The following MCUB variants were observed in gnomAD, a reference collection of about 807,000 sequenced individuals.
MCUB encodes mitochondrial calcium uniporter dominant negative subunit beta.
MCUB carries 46 observed loss-of-function variants against 41.4 expected under a neutral mutation model. That is an observed-to-expected ratio of 1.11 (90% confidence interval 0.88 to 1.42). MCUB has a LOEUF of 1.42. MCUB is among the 40% of genes most tolerant of loss of function. The pLI, the probability that MCUB is intolerant of heterozygous loss-of-function variation, is 0.00. For synonymous variants in MCUB, 148 were observed against 148.2 expected (o/e 1.00, Z 0.01); for missense variants, 403 against 404.9 (o/e 1.00, Z 0.04).
At chr4:109,561,602 A>C (rs1342018552) in intron 1 of MCUB, among the ~76,000 whole-genome samples, 1 of 152,220 alleles carries the variant, frequency 6.6e-6, no homozygotes, top group African/African-American at 2.4e-5. Flanking sequence ...AGACTTATAA[A>C]GTCATTGGGG....
Position 109,563,275 on chromosome 4 carries a change from A to T in MCUB, c.99+2839A>T, listed in dbSNP as rs148255169. ...GTCCATACATAAGCTATGTTTAAAAAATTTTTACATCAAGCACTCTGCAGA... is the reference window on the plus strand; with the variant it reads ...GTCCATACATAAGCTATGTTTAAAATATTTTTACATCAAGCACTCTGCAGA... On this transcript the variant is annotated intron_variant, in intron 1 of 7. Coordinates refer to ENST00000394650, the MANE Select transcript of MCUB (RefSeq NM_017918.5). Among the ~76,000 whole-genome samples the T allele has an allele frequency of 2.4e-3, 372 of 152,260 alleles. 1 individual carries two copies. The highest frequency in any genetic ancestry group is 8.4e-3 in the African/African-American group (348 of 41,560).
At chr4:109,675,572 G>A (rs977216396) in intron 4 of MCUB, among the ~76,000 whole-genome samples, 3 of 152,200 alleles carry the variant, frequency 2.0e-5, no homozygotes, top group African/African-American at 4.8e-5. Context: ...CCTGGTGATA[G>A]GTCAATAAGC....
chr4:109,635,041 G>A (rs1728558949), intron 1 of MCUB, among the ~76,000 whole-genome samples: 1 of 151,970 alleles, frequency 6.6e-6, no homozygotes, highest in African/African-American at 2.4e-5. Flanking sequence ...TTATGAGTTA[G>A]AACATGTGGT....
At chr4:109,646,463 A>G (rs1579081177) in intron 1 of MCUB, among the ~76,000 whole-genome samples, 1 of 152,134 alleles carries the variant, frequency 6.6e-6, no homozygotes, top group Non-Finnish European at 1.5e-5. Context: ...GGTCACCACC[A>G]TCTATTGTAC....
chr4:109,633,096 A>G (rs1728511093), intron 1 of MCUB, among the ~76,000 whole-genome samples: 1 of 152,172 alleles, frequency 6.6e-6, no homozygotes. Context: ...AAATACATAC[A>G]TTGTATTATA....
chr4:109,618,964 CT>C (rs1728187217), intron 1 of MCUB, among the ~76,000 whole-genome samples: 1 of 144,480 alleles, frequency 6.9e-6, no homozygotes, highest in African/African-American at 2.8e-5. Flanking sequence ...CTCTCTCTCT[CT>C]CTCTCTCTCT....
chr4:109,569,968 C>T (rs1426355939), intron 1 of MCUB, among the ~76,000 whole-genome samples: 1 of 152,140 alleles, frequency 6.6e-6, no homozygotes, highest in East Asian at 1.9e-4. Context: ...ATGGTTAAAC[C>T]TGAAATAGAA....
At chr4:109,612,333 C>T (rs1728029108) in intron 1 of MCUB, among the ~76,000 whole-genome samples, 1 of 140,690 alleles carries the variant, frequency 7.1e-6, no homozygotes, top group Non-Finnish European at 1.5e-5. Flanking sequence ...GTGGTGTGAT[C>T]CCGGCTCGCT....
chr4:109,657,721 C>T (rs1054749268), intron 1 of MCUB, among the ~76,000 whole-genome samples: 1 of 152,228 alleles, frequency 6.6e-6, no homozygotes, highest in African/African-American at 2.4e-5. Context: ...ACACAGTGCA[C>T]CATGATATTA....
chr4:109,600,209 G>A (rs1385985077), intron 1 of MCUB, among the ~76,000 whole-genome samples: 1 of 152,134 alleles, frequency 6.6e-6, no homozygotes, highest in Non-Finnish European at 1.5e-5. Context: ...TTTTAGTTCT[G>A]CCACTACCTG....
chr4:109,598,414 G>A (rs1031471658), intron 1 of MCUB, among the ~76,000 whole-genome samples: 13 of 152,276 alleles, frequency 8.5e-5, no homozygotes, highest in African/African-American at 1.9e-4. Context: ...CCAACACAGC[G>A]AAACCCCGTC....
intron 1 of MCUB, among the ~76,000 whole-genome samples, chr4:109,582,254 ATT>A (rs1727196111): frequency 6.6e-6 from 1 of 151,494 alleles, no homozygotes; most frequent in Non-Finnish European, 1.5e-5. Flanking sequence ...GGAAACCATC[ATT>A]CTCAGCAAAC....
At chr4:109,661,824 G>T (rs1453911360) in intron 3 of MCUB, among the ~76,000 whole-genome samples, 1 of 152,118 alleles carries the variant, frequency 6.6e-6, no homozygotes, top group Non-Finnish European at 1.5e-5. Flanking sequence ...CCTGAGGTCA[G>T]GGGTTTGAAA....
At chr4:109,611,327 A>C (rs1728003261) in intron 1 of MCUB, among the ~76,000 whole-genome samples, 4 of 152,232 alleles carry the variant, frequency 2.6e-5, no homozygotes, top group Non-Finnish European at 5.9e-5. Flanking sequence ...AGATAAGAGA[A>C]GTTTTATCAT....
At chr4:109,591,299 ACT>A (rs1255749900) in intron 1 of MCUB, among the ~76,000 whole-genome samples, 1 of 150,882 alleles carries the variant, frequency 6.6e-6, no homozygotes, top group East Asian at 2.0e-4. Context: ...GATTCTCATG[ACT>A]CAGCCTCCCG....
rs376010405 is a variant in MCUB at position 109,661,716 on chromosome 4, G to A, written c.346+1351G>A. Among the ~76,000 whole-genome samples the A allele has an allele frequency of 6.6e-5, 10 of 152,242 alleles. No individual in the cohort carries two copies. The East Asian group carries it at 1.7e-3, about 26-fold the overall frequency. The stretch of plus-strand genomic sequence containing the variant: ...ATTTGCACAAAGACCTGGGGGAAAT[G>A]AGGGAGGGAGTCACGTAGAGGGAAG... On this transcript the variant is annotated intron_variant, in intron 3 of 7. Transcript: ENST00000394650.
chr4:109,684,065 C>CTTTTTTTTTTTTTT (rs71595507), intron 5 of MCUB, among the ~76,000 whole-genome samples: 1 of 140,050 alleles, frequency 7.1e-6, no homozygotes. Context: ...TTCCTCTTTT[C>CTTTTTTTTTTTTTT]TTTTTTTTTT....
intron 1 of MCUB, among the ~76,000 whole-genome samples, chr4:109,612,866 G>A (rs1038330550): frequency 1.3e-5 from 2 of 152,138 alleles, no homozygotes; most frequent in East Asian, 3.9e-4. Flanking sequence ...CAGCACTTTG[G>A]GAGGCCAAGG....
intron 5 of MCUB, 102 bp from the exon 6 acceptor site, chr4:109,684,341 C>G: frequency 1.2e-6 from 1 of 852,344 alleles, no homozygotes; most frequent in East Asian, 2.7e-5. Flanking sequence ...AGATTACAGG[C>G]GTGAGCCACC....
Sources: allele counts gnomAD v4.1 joint callset (sites outside exome capture counted in the v4.1 genomes callset), GRCh38; gene constraint gnomAD v4.1.1; transcripts MANE v1.5; gene names NCBI Gene and HGNC (gene_info 2026-07-23, HGNC 2026-07-21).